The following TLK1 variants were observed in gnomAD, a reference collection of about 807,000 sequenced individuals.
TLK1 encodes serine/threonine-protein kinase tousled-like 1.
In TLK1, 24 loss-of-function variants were observed where a neutral mutation model predicts 105.3. The ratio of observed to expected loss-of-function variants is 0.23; its 90% confidence interval spans 0.17 to 0.32. The LOEUF (loss-of-function observed/expected upper bound fraction) is 0.32. Among genes scored for constraint, TLK1 ranks in the 10% least tolerant of loss-of-function variants. TLK1 has a pLI of 1.00. For synonymous variants in TLK1, 321 were observed against 310.4 expected (o/e 1.03, Z -0.36); for missense variants, 558 against 910.5 (o/e 0.61, Z 4.98).
intron 1 of TLK1, among the ~76,000 whole-genome samples, chr2:171,194,780 G>T (rs926196254): frequency 7.1e-6 from 1 of 141,114 alleles, no homozygotes; most frequent in Non-Finnish European, 1.5e-5. Context: ...TCGCGCCACT[G>T]CACTCCAGCC....
intron 1 of TLK1, among the ~76,000 whole-genome samples, chr2:171,204,355 G>A (rs1359398280): frequency 1.3e-5 from 2 of 152,078 alleles, no homozygotes; most frequent in East Asian, 1.9e-4. Context: ...GCCCAGATTT[G>A]GTCTTAAATT....
intron 11 of TLK1, among the ~76,000 whole-genome samples, chr2:171,040,937 T>C (rs1488854326): frequency 6.6e-6 from 1 of 152,176 alleles, no homozygotes; most frequent in Non-Finnish European, 1.5e-5. Context: ...CTGTCCAACT[T>C]CAATAATATA....
chr2:171,172,125 A>T (rs555167384), intron 1 of TLK1, among the ~76,000 whole-genome samples: 129 of 152,368 alleles, frequency 8.5e-4, no homozygotes, highest in South Asian at 5.0e-3. Flanking sequence ...ATGTAGATGA[A>T]CTGTACAAAA....
chr2:171,208,620 G>A (rs1305947484), intron 1 of TLK1, among the ~76,000 whole-genome samples: 1 of 152,186 alleles, frequency 6.6e-6, no homozygotes, highest in Non-Finnish European at 1.5e-5. Context: ...TAATTAAAAT[G>A]AGCAAAGGTG....
At chr2:171,072,719 G>C (rs1053568534) in intron 3 of TLK1, among the ~76,000 whole-genome samples, 3 of 152,132 alleles carry the variant, frequency 2.0e-5, no homozygotes, top group African/African-American at 7.2e-5. Flanking sequence ...AGTGAGCTGA[G>C]ATGACATCAT....
chr2:171,046,098 T>A, intron 11 of TLK1, 76 bp downstream of exon 11: 1 of 1,268,236 alleles, frequency 7.9e-7, no homozygotes, highest in Non-Finnish European at 1.1e-6. Context: ...GTATTAATTA[T>A]AAATAACATC....
chr2:171,074,920 T>C (rs528347708), intron 3 of TLK1, among the ~76,000 whole-genome samples: 1 of 151,828 alleles, frequency 6.6e-6, no homozygotes, highest in Non-Finnish European at 1.5e-5. Context: ...TATTCAGGAG[T>C]AAAAGGCCTA....
chr2:171,105,471 A>T (rs1689879489), intron 2 of TLK1, among the ~76,000 whole-genome samples: 1 of 152,218 alleles, frequency 6.6e-6, no homozygotes, highest in South Asian at 2.1e-4. Context: ...GGATCACTTG[A>T]GGTCAGGAGT....
chr2:171,231,070 T>G (rs936214136), intron 1 of TLK1: 3 of 152,158 alleles, frequency 2.0e-5, no homozygotes, highest in Non-Finnish European at 4.4e-5. Context: ...TTACAGCAGC[T>G]CTAGGAAAGA....
intron 2 of TLK1, among the ~76,000 whole-genome samples, chr2:171,096,157 T>G (rs1465048437): frequency 6.7e-6 from 1 of 150,226 alleles, no homozygotes; most frequent in Non-Finnish European, 1.5e-5. Context: ...ACTATTGGAG[T>G]CAGTTAAACT....
chr2:171,219,436 G>A (rs1177091318), intron 1 of TLK1, among the ~76,000 whole-genome samples: 1 of 152,148 alleles, frequency 6.6e-6, no homozygotes, highest in Non-Finnish European at 1.5e-5. Context: ...TGGCTTATAA[G>A]CAACAGAAAT....
chr2:171,034,189 A>G (rs547836470), intron 11 of TLK1, among the ~76,000 whole-genome samples: 1 of 152,318 alleles, frequency 6.6e-6, no homozygotes, highest in Non-Finnish European at 1.5e-5. Flanking sequence ...ACGGTGCAGA[A>G]TGGAAAATAA....
intron 2 of TLK1, among the ~76,000 whole-genome samples, chr2:171,091,065 T>C (rs918697803): frequency 3.3e-5 from 5 of 152,180 alleles, no homozygotes; most frequent in African/African-American, 1.2e-4. Flanking sequence ...TCTGCCTGGT[T>C]TTTATATAAA....
chr2:171,141,643 C>A (rs947376474), intron 1 of TLK1, among the ~76,000 whole-genome samples: 25 of 152,018 alleles, frequency 1.6e-4, no homozygotes, highest in Admixed American at 5.2e-4. Context: ...ACTCTGGAAA[C>A]CAGGTCTCAA....
Position 171,160,407 on chromosome 2 carries a change from C to T in TLK1, c.22G>A (p.Gly8Arg). The T allele has an allele frequency of 6.2e-7, 1 of 1,603,314 alleles. No homozygotes were observed. The highest frequency in any genetic ancestry group is 8.5e-7 in the Non-Finnish European group (1 of 1,175,510). MSVQSSS[G>R]SLEGPPSWSQ... is the part of the protein sequence containing the mutation. ...CAAGATGGCGGCCCCTCCAAACTTC[C>T]ACTGCTACTTTGGACACTCATCAAG... The change falls in exon 1 of 21, where the codon GGA becomes AGA. Residue 8 changes from glycine (G) to arginine (R), a missense_variant. Physicochemically the swap from Gly to Arg is moderately radical, Grantham distance 125 (BLOSUM62 -2). Around this residue, in one of 5 missense-constraint regions of TLK1, gnomAD observed 104 missense variants for 116.0 expected, o/e 0.90. Transcript: ENST00000431350. This position sits in a 1 kb window ranked among gnomAD's most constrained non-coding sequence, Gnocchi z 4.4.
At chr2:171,146,236 A>C (rs1406318381) in intron 1 of TLK1, among the ~76,000 whole-genome samples, 1 of 152,126 alleles carries the variant, frequency 6.6e-6, no homozygotes, top group Non-Finnish European at 1.5e-5. Context: ...AGGTGGGAAG[A>C]TCACTTGAGC....
intron 12 of TLK1, among the ~76,000 whole-genome samples, chr2:171,025,160 T>G (rs1241615167): frequency 6.6e-6 from 1 of 152,336 alleles, no homozygotes; most frequent in African/African-American, 2.4e-5. Context: ...AGGCTATCTT[T>G]GGATTTATTA....
intron 1 of TLK1, among the ~76,000 whole-genome samples, chr2:171,209,363 T>G (rs1052919695): frequency 6.6e-6 from 1 of 152,182 alleles, no homozygotes; most frequent in African/African-American, 2.4e-5. Context: ...AAGTTAGGAC[T>G]GCTAAATAAA....
Position 171,182,518 on chromosome 2 carries a change from G to A in TLK1, c.-6+48627C>T, listed in dbSNP as rs188285727. 6.6e-5 allele frequency among the ~76,000 whole-genome samples: 10 copies of A among 152,206 alleles called. No homozygotes were observed. The East Asian group carries it at 1.9e-3, about 29-fold the overall frequency. On this transcript the variant is annotated intron_variant, in intron 1 of 20. Coordinates refer to the TLK1 transcript ENST00000521943. ...TCTAAACTGAGAGACATTCTACAAG[G>A]CCATGGAAAACAAGGAAATACTGAA...
Sources: allele counts gnomAD v4.1 joint callset (sites outside exome capture counted in the v4.1 genomes callset), GRCh38; gene constraint gnomAD v4.1.1; regional missense constraint gnomAD v4.1.1; non-coding constraint Gnocchi (gnomAD v3.1); transcripts MANE v1.5; gene names NCBI Gene and HGNC (gene_info 2026-07-23, HGNC 2026-07-21).